Variants in DCT observed in about 807,000 individuals in gnomAD.
The protein encoded by DCT is L-dopachrome tautomerase.
DCT carries 47 observed loss-of-function variants against 53.0 expected under a neutral mutation model. That is an observed-to-expected ratio of 0.89 (90% CI 0.70 to 1.13). DCT has a LOEUF of 1.13. Among genes scored for constraint, DCT ranks in the 50% most tolerant of loss-of-function variants. DCT has a pLI of 0.00. For synonymous variants in DCT, 244 were observed against 237.0 expected (o/e 1.03, Z -0.27); for missense variants, 669 against 637.4 (o/e 1.05, Z -0.53).
chr13:94,515,221 A>G, the DCT span, among the ~76,000 whole-genome samples: 4 of 152,244 alleles, frequency 2.6e-5, no homozygotes, highest in Non-Finnish European at 4.4e-5. Context: ...CTCCTAGTCT[A>G]TGGTACTCTG....
At chr13:94,449,149 G>A (rs1882927619) in intron 6 of DCT, among the ~76,000 whole-genome samples, 2 of 151,758 alleles carry the variant, frequency 1.3e-5, no homozygotes, top group African/African-American at 4.8e-5. Context: ...TGATTACATG[G>A]GCTTTCAAGG....
intron 2 of DCT, 85 bp from the exon 3 acceptor site, chr13:94,466,743 C>A (rs1884252075): frequency 2.6e-6 from 2 of 777,614 alleles, no homozygotes; most frequent in Admixed American, 3.1e-5. Context: ...TCTATAGAGC[C>A]AATAAGTCCA....
chr13:94,506,427 G>GC, the DCT span, among the ~76,000 whole-genome samples: 1 of 152,092 alleles, frequency 6.6e-6, no homozygotes, highest in Non-Finnish European at 1.5e-5. Flanking sequence ...AACTTGAAGA[G>GC]CCCCCAGTGG....
the DCT span, among the ~76,000 whole-genome samples, chr13:94,546,359 C>T: frequency 6.6e-6 from 1 of 152,106 alleles, no homozygotes; most frequent in East Asian, 1.9e-4. This position sits in a 1 kb window ranked among gnomAD's most constrained non-coding sequence, Gnocchi z 4.2. Context: ...CTCCGTTAAT[C>T]CCTCATTGTC....
At chr13:94,522,234 C>G in the DCT span, among the ~76,000 whole-genome samples, 1 of 152,158 alleles carries the variant, frequency 6.6e-6, no homozygotes, top group African/African-American at 2.4e-5. Flanking sequence ...AAGGCAGACC[C>G]ACCCTTAATC....
chr13:94,481,915 C>A (rs1885459342), upstream of DCT, among the ~76,000 whole-genome samples: 1 of 152,232 alleles, frequency 6.6e-6, no homozygotes, highest in Non-Finnish European at 1.5e-5. Context: ...CTTTCCAATG[C>A]ACTTCAAGTA....
chr13:94,519,179 C>T, the DCT span, among the ~76,000 whole-genome samples: 2 of 152,146 alleles, frequency 1.3e-5, no homozygotes, highest in East Asian at 1.9e-4. Context: ...TTTACCTTCA[C>T]GGCACATACC....
intron 6 of DCT, among the ~76,000 whole-genome samples, chr13:94,457,942 C>A (rs917191647): frequency 3.3e-5 from 5 of 152,148 alleles, no homozygotes; most frequent in Admixed American, 6.5e-5. Context: ...GTCCCCCTAT[C>A]AGACATAAAC....
At chr13:94,544,719 T>C in the DCT span, among the ~76,000 whole-genome samples, 1 of 152,368 alleles carries the variant, frequency 6.6e-6, no homozygotes, top group African/African-American at 2.4e-5. Context: ...AGAAGTTTTA[T>C]TTCTGGCCAA....
chr13:94,472,203 A>T (rs924018529), intron 1 of DCT, among the ~76,000 whole-genome samples: 2 of 152,100 alleles, frequency 1.3e-5, no homozygotes, highest in Non-Finnish European at 2.9e-5. Flanking sequence ...TGGCAGAAAC[A>T]AAATAATTGG....
the DCT span, among the ~76,000 whole-genome samples, chr13:94,541,094 T>A: frequency 6.6e-6 from 1 of 152,112 alleles, no homozygotes; most frequent in Non-Finnish European, 1.5e-5. Context: ...AAATTGATGT[T>A]ATGGAGATAG....
the DCT span, among the ~76,000 whole-genome samples, chr13:94,504,494 A>T: frequency 6.6e-6 from 1 of 152,092 alleles, no homozygotes; most frequent in African/African-American, 2.4e-5. Context: ...CAGCCTCCTG[A>T]GTAGCTGGGA....
intron 6 of DCT, among the ~76,000 whole-genome samples, chr13:94,455,391 G>GAGAA (rs1883347811): frequency 6.6e-6 from 1 of 151,556 alleles, no homozygotes; most frequent in Admixed American, 6.6e-5. Context: ...TAGAGAGAGA[G>GAGAA]AGAGAGAGAG....
At chr13:94,501,200 C>A in the DCT span, among the ~76,000 whole-genome samples, 1 of 152,032 alleles carries the variant, frequency 6.6e-6, no homozygotes, top group African/African-American at 2.4e-5. Context: ...ACCCGGGAGG[C>A]GGAGCTTGCA....
upstream of DCT, among the ~76,000 whole-genome samples, chr13:94,483,266 C>A (rs187959736): frequency 8.2e-3 from 1,247 of 151,220 alleles, 7 homozygotes; most frequent in Non-Finnish European, 0.013. Flanking sequence ...AGGAGTGAGA[C>A]CCTGTCTCAA....
the DCT span, among the ~76,000 whole-genome samples, chr13:94,532,751 G>A: frequency 2.6e-5 from 4 of 152,158 alleles, no homozygotes; most frequent in African/African-American, 4.8e-5. Flanking sequence ...AAACCTGCAC[G>A]CTGTGCACAT....
chr13:94,543,144 G>A, the DCT span, among the ~76,000 whole-genome samples: 1 of 152,090 alleles, frequency 6.6e-6, no homozygotes, highest in Non-Finnish European at 1.5e-5. Context: ...CCTGACTAGG[G>A]CACATGATTA....
the DCT span, among the ~76,000 whole-genome samples, chr13:94,531,341 C>A: frequency 6.6e-6 from 1 of 152,168 alleles, no homozygotes; most frequent in African/African-American, 2.4e-5. Context: ...AAGACAATCC[C>A]AAGCCAAAAG....
At chr13:94,453,938 AT>A (rs947658143) in intron 6 of DCT, among the ~76,000 whole-genome samples, 1 of 152,090 alleles carries the variant, frequency 6.6e-6, no homozygotes. Flanking sequence ...CTTTTTTTAA[AT>A]TTCAACTAAA....
Sources: gnomAD v4.1 joint callset for allele counts (sites outside exome capture counted in the v4.1 genomes callset) on GRCh38, gnomAD v4.1.1 for gene constraint, Gnocchi (gnomAD v3.1) non-coding constraint, MANE v1.5 for transcripts, NCBI Gene and HGNC (gene_info 2026-07-23, HGNC 2026-07-21) for gene names.